The following ATP13A4 variants were observed in gnomAD, a reference collection of about 807,000 sequenced individuals.
The protein encoded by ATP13A4 is ATPase 13A4, also known as probable cation-transporting ATPase 13A4.
In ATP13A4, 114 loss-of-function variants were observed where a neutral mutation model predicts 142.5. The ratio of observed to expected loss-of-function variants is 0.80; its 90% CI spans 0.69 to 0.93. The LOEUF (loss-of-function observed/expected upper bound fraction) is 0.93, where lower values mean the gene tolerates loss of function less well. Among genes scored for constraint, ATP13A4 ranks in the 40% least tolerant of loss-of-function variants. The pLI, the probability that ATP13A4 is intolerant of heterozygous loss-of-function variation, is 0.00. For missense variants in ATP13A4, 1,392 were observed against 1,454.0 expected, an observed-to-expected ratio of 0.96 and a Z score of 0.69; for synonymous variants, 488 against 514.8, an observed-to-expected ratio of 0.95 and a Z score of 0.70.
Position 193,443,587 on chromosome 3 carries a change from C to T in ATP13A4, c.2153-1031G>A, listed in dbSNP as rs549258374. On this transcript the variant is annotated intron_variant, in intron 18 of 29. Coordinates refer to ENST00000342695, the MANE Select transcript of ATP13A4 (RefSeq NM_032279.4). The stretch of plus-strand genomic sequence containing the variant: ...TTCATAACATAATATTCAAAATGTT[C>T]GGGATATTCAATATGAAAAATCTGG... Among the ~76,000 whole-genome samples the T allele has an allele frequency of 2.6e-5, 4 of 152,254 alleles. No homozygotes were observed. In the South Asian group the frequency reaches 6.2e-4, roughly 24 times the overall value.
chr3:193,419,407 A>G (rs1461633435), intron 25 of ATP13A4, among the ~76,000 whole-genome samples: 2 of 149,640 alleles, frequency 1.3e-5, no homozygotes, highest in Non-Finnish European at 3.0e-5. Flanking sequence ...CCCTGCCCCC[A>G]TGCCTGAGCT....
intron 20 of ATP13A4, 79 bp downstream of exon 20, chr3:193,441,387 T>C: frequency 6.4e-7 from 1 of 1,555,690 alleles, no homozygotes; most frequent in South Asian, 1.1e-5. Flanking sequence ...TCTCAAGATT[T>C]GAAATAATTT....
intron 25 of ATP13A4, among the ~76,000 whole-genome samples, chr3:193,415,284 T>C (rs1298485755): frequency 6.6e-6 from 1 of 152,070 alleles, no homozygotes; most frequent in Non-Finnish European, 1.5e-5. Context: ...TAATGACAAA[T>C]AATAGGTGAT....
chr3:193,431,916 A>G (rs73888545), intron 25 of ATP13A4, among the ~76,000 whole-genome samples: 2,162 of 152,024 alleles, frequency 0.014, 54 homozygotes, highest in African/African-American at 0.049. Flanking sequence ...ATGCCCCTGG[A>G]TGTTAGAATC....
At chr3:193,435,765 T>C (rs1475461460) in intron 23 of ATP13A4, 21 bp from the exon 24 acceptor site, 8 of 1,583,800 alleles carry the variant, frequency 5.1e-6, no homozygotes, top group Admixed American at 1.7e-5. Flanking sequence ...AAAGAAATGA[T>C]AAAGACATGA....
intron 21 of ATP13A4, 128 bp downstream of exon 21, chr3:193,440,430 T>G: frequency 6.6e-7 from 1 of 1,516,526 alleles, no homozygotes; most frequent in Non-Finnish European, 8.9e-7. Flanking sequence ...TCCCAAGTGA[T>G]TATCTCATGC....
In ATP13A4 at chr3:193,502,620, G is replaced by A; in HGVS notation, c.254C>T (p.Ser85Phe). The change falls in exon 3 of 30, where the codon TCT becomes TTT. Residue 85 changes from serine (S) to phenylalanine (F), a missense_variant. Physicochemically the swap from Ser to Phe is radical, Grantham distance 155. Transcript: ENST00000342695. The part of the protein sequence containing the change: ...LRTTDEFQIY[S>F]WKKVIWIYLS... ...GTAGATCCATATTACCTTTTTCCAA[G>A]AGTAAATTTGGAATTCATCCTGAGG... The A allele has an allele frequency of 6.2e-7, 1 of 1,613,996 alleles. No homozygotes were observed. Among genetic ancestry groups the A allele is most frequent in the Non-Finnish European group, 8.5e-7 (1 of 1,179,940 alleles).
chr3:193,409,652 A>C (rs997787587), intron 28 of ATP13A4, among the ~76,000 whole-genome samples: 1 of 152,254 alleles, frequency 6.6e-6, no homozygotes, highest in Non-Finnish European at 1.5e-5. Flanking sequence ...GGCACTTAAC[A>C]ACAGTGGTAA....
At chr3:193,426,942 T>C (rs1236207708) in intron 25 of ATP13A4, among the ~76,000 whole-genome samples, 1 of 151,966 alleles carries the variant, frequency 6.6e-6, no homozygotes, top group Non-Finnish European at 1.5e-5. Flanking sequence ...GGCATTGGAT[T>C]CTTAGATATA....
At chr3:193,413,719 A>ACCC (rs1714898566) in intron 26 of ATP13A4, among the ~76,000 whole-genome samples, 1 of 151,040 alleles carries the variant, frequency 6.6e-6, no homozygotes, top group African/African-American at 2.4e-5. Context: ...GGGGGAAAAA[A>ACCC]CCCCACCCTG....
intron 1 of ATP13A4, among the ~76,000 whole-genome samples, chr3:193,537,385 C>CA (rs143524592): frequency 0.063 from 9,568 of 152,064 alleles, 377 homozygotes; most frequent in Non-Finnish European, 0.087. Flanking sequence ...TATCCATAGG[C>CA]AAAAATGCCC....
chr3:193,491,473 G>C, intron 5 of ATP13A4, 75 bp from the exon 6 acceptor site: 1 of 1,083,736 alleles, frequency 9.2e-7, no homozygotes, highest in Non-Finnish European at 1.4e-6. Context: ...TTCAGAAAAA[G>C]GTCTATTCCA....
chr3:193,581,089 G>A (rs562365058), intron 2 of ATP13A4, among the ~76,000 whole-genome samples: 1 of 152,256 alleles, frequency 6.6e-6, no homozygotes, highest in African/African-American at 2.4e-5. Context: ...AATATGGGTT[G>A]TATTTTCCGA....
At chr3:193,445,463 A>AAAT (rs1716892278) in intron 18 of ATP13A4, among the ~76,000 whole-genome samples, 1 of 151,384 alleles carries the variant, frequency 6.6e-6, no homozygotes, top group Admixed American at 6.6e-5. Flanking sequence ...ATAAATAAAT[A>AAAT]AATAAAGCAC....
rs779626374 is a variant in ATP13A4 at position 193,402,745 on chromosome 3, C to T, written c.3498G>A (p.Pro1166=). The T allele has an allele frequency of 1.4e-5, 23 of 1,608,292 alleles. No homozygotes were observed. The East Asian group carries it at 2.0e-4, about 14-fold the overall frequency. ...TGTCAGAGTGGGAGGTTTGGTTTAG[C>T]GGGGGCCAACTAGGGTCATTTGCCA... ...RDLANDPSWP[P]LNQTSHSDMP... is the part of the protein sequence containing the mutation. Residue 1166 remains proline, a synonymous_variant, in exon 30 of 30, where the codon CCG becomes CCA. Coordinates refer to ENST00000342695, the MANE Select transcript of ATP13A4 (RefSeq NM_032279.4).
intron 18 of ATP13A4, among the ~76,000 whole-genome samples, chr3:193,447,650 A>G (rs943549625): frequency 6.6e-6 from 1 of 152,244 alleles, no homozygotes; most frequent in African/African-American, 2.4e-5. Context: ...TAATTTCATT[A>G]AGAAATTTCA....
chr3:193,502,114 T>C (rs1720582439), intron 3 of ATP13A4, among the ~76,000 whole-genome samples: 1 of 152,190 alleles, frequency 6.6e-6, no homozygotes, highest in South Asian at 2.1e-4. Flanking sequence ...CACTCCAGCC[T>C]GGGCAACATA....
intron 8 of ATP13A4, among the ~76,000 whole-genome samples, chr3:193,472,914 A>G (rs1448364928): frequency 6.6e-6 from 1 of 152,226 alleles, no homozygotes; most frequent in East Asian, 1.9e-4. Context: ...AGTAGATTCC[A>G]ATGAAAAATA....
rs568995385 is a variant in ATP13A4 at position 193,443,846 on chromosome 3, T to C, written c.2153-1290A>G. ...ATTAAAAAATATAATACCTGAAATT[T>C]AAAAAAATCACTGAATGTACTCAAT... is the stretch of plus-strand genomic sequence containing the variant. On this transcript the variant is annotated intron_variant, in intron 18 of 29. Coordinates refer to ENST00000342695, the MANE Select transcript of ATP13A4 (RefSeq NM_032279.4). 9.9e-5 allele frequency among the ~76,000 whole-genome samples: 15 copies of C among 152,090 alleles called. 1 individual carries two copies. The South Asian group carries it at 3.1e-3, about 32-fold the overall frequency.
Sources: allele counts gnomAD v4.1 joint callset (sites outside exome capture counted in the v4.1 genomes callset), GRCh38; gene constraint gnomAD v4.1.1; transcripts MANE v1.5; gene names NCBI Gene and HGNC (gene_info 2026-07-23, HGNC 2026-07-21).